SLC9A8: variants seen among roughly 807,000 people sequenced by gnomAD.
The protein encoded by SLC9A8 is solute carrier family 9 member A8.
SLC9A8 carries 48 observed loss-of-function variants against 66.6 expected under a neutral mutation model. That is an observed-to-expected ratio of 0.72 (90% CI 0.57 to 0.92). SLC9A8 has a LOEUF of 0.92. Ranked by LOEUF, SLC9A8 falls within the 40% of genes least tolerant of loss-of-function variation. SLC9A8 has a pLI of 0.00. For synonymous variants in SLC9A8, 274 were observed against 282.6 expected, an observed-to-expected ratio of 0.97 and a Z score of 0.31; for missense variants, 599 against 747.3, an observed-to-expected ratio of 0.80 and a Z score of 2.31.
chr20:49,886,595 C>T lies in SLC9A8; in HGVS notation c.1492-157C>T. 1.2e-6 allele frequency: 1 copy of T among 811,922 alleles called. No homozygotes were observed. The highest frequency in any genetic ancestry group is 1.9e-6 in the Non-Finnish European group (1 of 525,618). 50.3% of individuals were successfully genotyped at this position (811,922 alleles called of 1,614,324 possible). A position where few individuals can be genotyped will look rare whatever the true frequency, so the allele number is the denominator to read the frequency against. On this transcript the variant is annotated intron_variant, in intron 14 of 15. Transcript: ENST00000361573. This position sits in a 1 kb window ranked among gnomAD's most constrained non-coding sequence, Gnocchi z 4.8. Reference sequence around the variant, plus strand: ...ATGGACGTTCCTGCCTCCCTGCAGGCTCCCAGGAGGCCGTCTGCTGCCCGT... The same window carrying T: ...ATGGACGTTCCTGCCTCCCTGCAGGTTCCCAGGAGGCCGTCTGCTGCCCGT...
rs991717680 is a variant in SLC9A8 at position 49,877,874 on chromosome 20, A to G, written c.1076-107A>G. ...GCAGGATTTTCAAGAAAATAAGGAA[A>G]GTGTTGTATTGGATTCTGACTGTGA... On this transcript the variant is annotated intron_variant, in intron 11 of 15. Coordinates refer to ENST00000361573, the MANE Select transcript of SLC9A8 (RefSeq NM_015266.3). 8.8e-6 allele frequency: 6 copies of G among 679,202 alleles called. No homozygotes were observed. The South Asian group carries it at 1.6e-4, about 18-fold the overall frequency. 42.1% of individuals were successfully genotyped at this position (679,202 alleles called of 1,614,324 possible). A position where few individuals can be genotyped will look rare whatever the true frequency, so the allele number is the denominator to read the frequency against.
At position 49,837,123 on chromosome 20, in the gene SLC9A8, A is replaced by C. The variant is rs138688446; in HGVS notation, c.290-2418A>C. Among the ~76,000 whole-genome samples, 574 of 152,336 alleles carry C rather than the reference A, an allele frequency of 3.8e-3. 5 individuals are homozygous for C. The highest frequency in any genetic ancestry group is 0.034 in the Middle Eastern group (10 of 294). On this transcript the variant is annotated intron_variant, in intron 3 of 15. Transcript: ENST00000361573. ...TGCTTCCTTTGGAAAGGCTAATCAGAAACTCAAAAGAATGAAACTGTTTGT... is the reference window on the plus strand; with the variant it reads ...TGCTTCCTTTGGAAAGGCTAATCAGCAACTCAAAAGAATGAAACTGTTTGT...
chr20:49,845,414 T>A (rs2087941602), intron 5 of SLC9A8, among the ~76,000 whole-genome samples: 1 of 152,248 alleles, frequency 6.6e-6, no homozygotes, highest in African/African-American at 2.4e-5. Flanking sequence ...TCACAGATGA[T>A]GCATTGACTC....
chr20:49,889,796 C>T lies in SLC9A8; in HGVS notation c.*1860C>T, dbSNP rs2090001021. The T allele has an allele frequency of 6.6e-6, 1 of 152,172 alleles. No homozygotes were observed. Among genetic ancestry groups the T allele is most frequent in the African/African-American group, 2.4e-5 (1 of 41,448 alleles). 9.4% of individuals were successfully genotyped at this position (152,172 alleles called of 1,614,324 possible). A position where few individuals can be genotyped will look rare whatever the true frequency, so the allele number is the denominator to read the frequency against. On this transcript the variant is annotated 3_prime_UTR_variant, in exon 16 of 16. Coordinates refer to ENST00000361573, the MANE Select transcript of SLC9A8 (RefSeq NM_015266.3). ...GGCAGGGATCTGAGACCAGATTGTTCTCGCACCCCTGCCAGAACTCACTCT... is the reference window on the plus strand; with the variant it reads ...GGCAGGGATCTGAGACCAGATTGTTTTCGCACCCCTGCCAGAACTCACTCT...
chr20:49,834,401 C>CTT (rs2087414604), intron 3 of SLC9A8, among the ~76,000 whole-genome samples: 1 of 50,474 alleles, frequency 2.0e-5, no homozygotes, highest in African/African-American at 1.2e-4. Flanking sequence ...TATATATATA[C>CTT]TGTGTATATA....
chr20:49,878,987 C>T (rs1040480725), intron 12 of SLC9A8, among the ~76,000 whole-genome samples: 1 of 151,856 alleles, frequency 6.6e-6, no homozygotes, highest in Non-Finnish European at 1.5e-5. Flanking sequence ...ATGCCATTTG[C>T]ACCCCAGCCT....
intron 8 of SLC9A8, among the ~76,000 whole-genome samples, chr20:49,859,154 C>A (rs1458513022): frequency 6.6e-6 from 1 of 152,196 alleles, no homozygotes; most frequent in South Asian, 2.1e-4. Flanking sequence ...ACTGCCACTG[C>A]TGAGACCCAA....
At chr20:49,832,013 C>T (rs956337226) in intron 3 of SLC9A8, among the ~76,000 whole-genome samples, 3 of 152,074 alleles carry the variant, frequency 2.0e-5, no homozygotes, top group Non-Finnish European at 4.4e-5. Flanking sequence ...GGGGACACTC[C>T]TTCCTGTTTC....
intron 3 of SLC9A8, chr20:49,830,374 C>T (rs1216824225): frequency 1.2e-6 from 1 of 849,416 alleles, no homozygotes; most frequent in Non-Finnish European, 2.1e-6. Context: ...GGAAGAACCC[C>T]TGCTGAAGTC....
chr20:49,887,788 CCCCTGACG>C lies in SLC9A8; in HGVS notation c.1639-32_1639-25del, dbSNP rs774287485. On this transcript the variant is annotated intron_variant, in intron 15 of 15. Transcript: ENST00000361573. ...GCATCCCCTCCCTTCCATGGCCCTG[CCCCTGACG>C]CCCTGACGGCTTGGTTGTGTCTCTC... 12 of 1,489,786 alleles carry C rather than the reference CCCCTGACG, an allele frequency of 8.1e-6. No homozygotes were observed. In the East Asian group the frequency reaches 1.2e-4, roughly 14 times the overall value. The allele number at this position is 1,489,786 out of a possible 1,614,324, so 92.3% of individuals were successfully genotyped here. A position where few individuals can be genotyped will look rare whatever the true frequency, so the allele number is the denominator to read the frequency against.
chr20:49,827,669 A>G (rs890172633), intron 3 of SLC9A8, among the ~76,000 whole-genome samples: 2 of 151,980 alleles, frequency 1.3e-5, no homozygotes, highest in Admixed American at 1.3e-4. Flanking sequence ...TCCTCTGTTG[A>G]ATAATACCAA....
intron 10 of SLC9A8, among the ~76,000 whole-genome samples, chr20:49,870,977 A>C (rs1360771379): frequency 1.3e-5 from 2 of 152,220 alleles, no homozygotes; most frequent in East Asian, 1.9e-4. Flanking sequence ...TGGGATTACA[A>C]GTGTGAGCCA....
chr20:49,864,765 A>G lies in SLC9A8; in HGVS notation c.879A>G (p.Lys293=). 1.9e-6 allele frequency: 3 copies of G among 1,614,158 alleles called. No individual in the cohort carries two copies. The highest frequency in any genetic ancestry group is 2.5e-6 in the Non-Finnish European group (3 of 1,179,988). ...TGCTGAAGCATATTGACTTGAGGAA[A>G]ACGCCTTCCTTGGAGTTTGGCATGA... ...ALVLKHIDLR[K]TPSLEFGMMI... The change falls in exon 10 of 16, where the codon AAA becomes AAG. Residue 293 remains lysine (K), a synonymous_variant. Coordinates refer to ENST00000361573, the MANE Select transcript of SLC9A8 (RefSeq NM_015266.3).
rs559833732 is a variant in SLC9A8, at chr20:49,865,985, A to G, written c.958+1141A>G. ...TTCGTTGAGGTATAATTTACACACAATACATGGACCCGTTCTAAGTATATA... is the reference window on the plus strand; with the variant it reads ...TTCGTTGAGGTATAATTTACACACAGTACATGGACCCGTTCTAAGTATATA... On this transcript the variant is annotated intron_variant, in intron 10 of 15. Coordinates refer to ENST00000361573, the MANE Select transcript of SLC9A8 (RefSeq NM_015266.3). Among the ~76,000 whole-genome samples, 29 of 152,304 alleles carry G rather than the reference A, an allele frequency of 1.9e-4. 1 individual carries two copies. The highest frequency in any genetic ancestry group is 7.0e-4 in the African/African-American group (29 of 41,574).
intron 14 of SLC9A8, among the ~76,000 whole-genome samples, chr20:49,885,527 CATGT>C (rs2089857825): frequency 6.6e-6 from 1 of 152,184 alleles, no homozygotes; most frequent in Non-Finnish European, 1.5e-5. Flanking sequence ...GGGGTCTCAC[CATGT>C]GGTCCAGGCT....
Position 49,822,945 on chromosome 20 carries a change from C to A in SLC9A8, c.209-116C>A, listed in dbSNP as rs944314576. On this transcript the variant is annotated intron_variant, in intron 2 of 15. Coordinates refer to ENST00000361573, the MANE Select transcript of SLC9A8 (RefSeq NM_015266.3). ...CACCGCTGAAGTTCACTGTGTTATTCCAATTGTCCATTTCTGTGAGGACCC... is the reference window on the plus strand; with the variant it reads ...CACCGCTGAAGTTCACTGTGTTATTACAATTGTCCATTTCTGTGAGGACCC... 3.8e-6 allele frequency: 3 copies of A among 782,996 alleles called. No individual in the cohort carries two copies. In the Admixed American group the frequency reaches 6.4e-5, roughly 17 times the overall value. 48.5% of individuals were successfully genotyped at this position (782,996 alleles called of 1,614,324 possible).
chr20:49,851,398 A>G lies in SLC9A8; in HGVS notation c.569+554A>G, dbSNP rs74434973. ...GAATTGCATAGTGAGAAGCAACCTC[A>G]CTAGGTTGAGGCAGTTGTCTCTCAG... On this transcript the variant is annotated intron_variant, in intron 7 of 15. Coordinates refer to ENST00000361573, the MANE Select transcript of SLC9A8 (RefSeq NM_015266.3). Among the ~76,000 whole-genome samples, 603 of 152,306 alleles carry G rather than the reference A, an allele frequency of 4.0e-3. 5 individuals carry two copies. Among genetic ancestry groups the G allele is most frequent in the African/African-American group, 0.014 (583 of 41,554 alleles).
In SLC9A8 at chr20:49,846,430, G is replaced by A. The variant is rs1328091228; in HGVS notation, c.432+1311G>A. ...CGCTGCCCCCTACAGGTTTCTTTTT[G>A]GTAAAGTAGAAACCAAAAACCCCAA... On this transcript the variant is annotated intron_variant, in intron 5 of 15. Coordinates refer to ENST00000361573, the MANE Select transcript of SLC9A8 (RefSeq NM_015266.3). Among the ~76,000 whole-genome samples, 6 of 150,980 alleles carry A rather than the reference G, an allele frequency of 4.0e-5. No homozygotes were observed. In the Admixed American group the frequency reaches 4.0e-4, roughly 10 times the overall value.
At position 49,891,151 on chromosome 20, in the gene SLC9A8, GT is replaced by G. The variant is rs1263212191; in HGVS notation, c.*3216del. 3.3e-5 allele frequency: 5 copies of G among 152,332 alleles called. No homozygotes were observed. Among genetic ancestry groups the G allele is most frequent in the African/African-American group, 1.2e-4 (5 of 41,452 alleles). The allele number at this position is 152,332 out of a possible 1,614,324, so 9.4% of individuals were successfully genotyped here. On this transcript the variant is annotated 3_prime_UTR_variant, in exon 16 of 16. Transcript: ENST00000361573. Reference sequence around the variant, plus strand: ...GCTGGAACTGCTGCCTGATTCCTGTGTGGGGAGAAGCTCAGTGGCCGTTTGC... The same window carrying G: ...GCTGGAACTGCTGCCTGATTCCTGTGGGGGAGAAGCTCAGTGGCCGTTTGC...
Sources: allele counts gnomAD v4.1 joint callset (sites outside exome capture counted in the v4.1 genomes callset), GRCh38; gene constraint gnomAD v4.1.1; non-coding constraint Gnocchi (gnomAD v3.1); transcripts MANE v1.5; gene names NCBI Gene and HGNC (gene_info 2026-07-23, HGNC 2026-07-21).